Variants in GABRA3 observed in about 807,000 individuals in gnomAD.
The protein encoded by GABRA3 is gamma-aminobutyric acid type A receptor subunit alpha3.
Under a neutral mutation model 30.1 loss-of-function variants are expected in GABRA3, and 10 were observed. The ratio of observed to expected loss-of-function variants is 0.33; its 90% CI spans 0.20 to 0.56. The LOEUF (loss-of-function observed/expected upper bound fraction) is 0.56. GABRA3 is among the 20% of genes least tolerant of loss of function. The pLI, the probability that GABRA3 is intolerant of heterozygous loss-of-function variation, is 0.89. For synonymous variants in GABRA3, 151 were observed against 146.8 expected, an observed-to-expected ratio of 1.03 and a Z score of -0.21; for missense variants, 233 against 392.0, an observed-to-expected ratio of 0.59 and a Z score of 3.42.
chrX:152,178,737 G>A (rs748499299), intron 9 of GABRA3, among the ~76,000 whole-genome samples: 2 of 110,809 alleles, frequency 1.8e-5, no homozygotes, highest in Admixed American at 1.9e-4. Context: ...AAGTAGTAAT[G>A]GACATAGTTT....
chrX:152,207,912 A>G (rs1937586972), intron 7 of GABRA3, 89 bp downstream of exon 7: 9 of 818,196 alleles, frequency 1.1e-5, no homozygotes, highest in African/African-American at 2.1e-5. Context: ...CATTGTTTTG[A>G]AGATTAAGTA....
At chrX:152,407,725 G>A (rs1758120911) in intron 1 of GABRA3, among the ~76,000 whole-genome samples, 1 of 111,692 alleles carries the variant, frequency 9.0e-6, no homozygotes, top group Admixed American at 9.5e-5. Context: ...CTCATTCTAT[G>A]AGGCCAGTAT....
chrX:152,339,449 C>T (rs1470595072), intron 3 of GABRA3, among the ~76,000 whole-genome samples: 1 of 111,131 alleles, frequency 9.0e-6, no homozygotes. Flanking sequence ...AAACTCCTGA[C>T]CTCAGATGAT....
chrX:152,282,527 C>A (rs958250398), intron 4 of GABRA3, among the ~76,000 whole-genome samples: 3 of 112,292 alleles, frequency 2.7e-5, no homozygotes, highest in African/African-American at 9.7e-5. Flanking sequence ...ATGTGAAATT[C>A]ATTTGACCAA....
At chrX:152,312,545 T>G (rs190377677) in intron 3 of GABRA3, among the ~76,000 whole-genome samples, 2 of 112,074 alleles carry the variant, frequency 1.8e-5, no homozygotes, top group Admixed American at 9.5e-5. Flanking sequence ...GAAGAAAACC[T>G]GGGAAATACC....
chrX:152,385,585 T>C (rs1319460655), intron 1 of GABRA3, among the ~76,000 whole-genome samples: 1 of 112,072 alleles, frequency 8.9e-6, no homozygotes, highest in Non-Finnish European at 1.9e-5. Context: ...GTGCAGAAGC[T>C]CTTTAGTGTA....
intron 3 of GABRA3, among the ~76,000 whole-genome samples, chrX:152,324,929 G>A (rs1163744463): frequency 8.9e-6 from 1 of 111,888 alleles, no homozygotes; most frequent in Non-Finnish European, 1.9e-5. Context: ...GGTAAGCCAA[G>A]TGGGCAATGC....
intron 1 of GABRA3, among the ~76,000 whole-genome samples, chrX:152,414,816 A>C (rs1930164982): frequency 9.6e-6 from 1 of 103,641 alleles, no homozygotes; most frequent in Non-Finnish European, 2.0e-5. Context: ...ACAATGCAAT[A>C]TTATTATTCA....
chrX:152,414,969 C>A (rs1168832995), intron 1 of GABRA3, among the ~76,000 whole-genome samples: 1 of 108,904 alleles, frequency 9.2e-6, no homozygotes, highest in Non-Finnish European at 1.9e-5. Context: ...TTGGAAAATA[C>A]TACATAAAGA....
At chrX:152,272,664 T>A (rs1367253895) in intron 4 of GABRA3, among the ~76,000 whole-genome samples, 1 of 111,515 alleles carries the variant, frequency 9.0e-6, no homozygotes, top group Admixed American at 9.5e-5. Flanking sequence ...TGAAATGATA[T>A]GGTATGGCTG....
intron 2 of GABRA3, among the ~76,000 whole-genome samples, chrX:152,353,907 T>C (rs2083713949): frequency 9.0e-6 from 1 of 111,499 alleles, no homozygotes; most frequent in African/African-American, 3.3e-5. Flanking sequence ...GCCTCACATG[T>C]CCATCCCTGT....
chrX:152,413,744 G>A (rs775449270), intron 1 of GABRA3, among the ~76,000 whole-genome samples: 2 of 110,174 alleles, frequency 1.8e-5, no homozygotes, highest in Non-Finnish European at 3.8e-5. Context: ...GAAGGTGTCC[G>A]TTCTTACCAC....
At chrX:152,335,439 A>G (rs1940219802) in intron 3 of GABRA3, among the ~76,000 whole-genome samples, 1 of 111,375 alleles carries the variant, frequency 9.0e-6, no homozygotes, top group Non-Finnish European at 1.9e-5. Flanking sequence ...ACTGTAGTGA[A>G]AGGCAATTAG....
chrX:152,284,441 G>A lies in GABRA3; in HGVS notation c.330+227C>T, dbSNP rs148996441. On this transcript the variant is annotated intron_variant, in intron 4 of 9. Transcript: ENST00000370314. ...AACTTTTGAAAGATGTGTCGTGGGA[G>A]AAAGATAAGGGCACTCCTGAAAGGG... is the stretch of plus-strand genomic sequence containing the variant. 5.2e-3 allele frequency among the ~76,000 whole-genome samples: 581 copies of A among 111,333 alleles called. 3 individuals are homozygous for A. Among genetic ancestry groups the A allele is most frequent in the African/African-American group, 0.018 (560 of 30,657 alleles).
At chrX:152,213,657 A>C (rs1456078402) in intron 6 of GABRA3, among the ~76,000 whole-genome samples, 1 of 112,112 alleles carries the variant, frequency 8.9e-6, no homozygotes, top group Non-Finnish European at 1.9e-5. Flanking sequence ...AACTGGCAGA[A>C]GGCCAATGTA....
At chrX:152,175,486 G>A (rs1216174429) in intron 9 of GABRA3, among the ~76,000 whole-genome samples, 1 of 111,572 alleles carries the variant, frequency 9.0e-6, no homozygotes, top group Non-Finnish European at 1.9e-5. Context: ...CTGCCCTAAA[G>A]GAGTTCACAT....
intron 3 of GABRA3, among the ~76,000 whole-genome samples, chrX:152,321,669 T>G (rs1451175776): frequency 8.9e-6 from 1 of 111,797 alleles, no homozygotes; most frequent in African/African-American, 3.3e-5. Flanking sequence ...AAGACTGCAG[T>G]CTTTCTGTTG....
intron 1 of GABRA3, among the ~76,000 whole-genome samples, chrX:152,410,740 A>G (rs1930050052): frequency 9.0e-6 from 1 of 111,351 alleles, no homozygotes; most frequent in African/African-American, 3.3e-5. Context: ...ACAGTATAAT[A>G]TTCAAAATGA....
At chrX:152,340,732 T>C (rs1940301167) in intron 3 of GABRA3, among the ~76,000 whole-genome samples, 1 of 112,006 alleles carries the variant, frequency 8.9e-6, no homozygotes, top group South Asian at 3.7e-4. Flanking sequence ...TTTACTCTAT[T>C]TGCTTTTCAG....
Sources: allele counts gnomAD v4.1 joint callset (sites outside exome capture counted in the v4.1 genomes callset), GRCh38; gene constraint gnomAD v4.1.1; transcripts MANE v1.5; gene names NCBI Gene and HGNC (gene_info 2026-07-23, HGNC 2026-07-21).